TRMT11: variants seen among roughly 807,000 people sequenced by gnomAD.
TRMT11 encodes tRNA methyltransferase 11.
Under a neutral mutation model 62.8 loss-of-function variants are expected in TRMT11, and 53 were observed. The observed-to-expected ratio is 0.84, with a 90% CI of 0.68 to 1.06. The LOEUF is 1.06. Ranked by LOEUF, TRMT11 falls within the 50% of genes least tolerant of loss-of-function variation. The probability of loss-of-function intolerance (pLI) is 0.00; values close to 1 mark genes in which losing one functional copy is unlikely to be tolerated. For missense variants in TRMT11, 556 were observed against 553.4 expected (o/e 1.00, Z -0.05); for synonymous variants, 188 against 190.3 (o/e 0.99, Z 0.10).
At chr6:126,112,546 G>C (rs551230464) in intron 17 of TRMT11, among the ~76,000 whole-genome samples, 1 of 152,222 alleles carries the variant, frequency 6.6e-6, no homozygotes, top group East Asian at 1.9e-4. Context: ...AGATATTTTG[G>C]CTGTAGGATA....
chr6:126,092,801 C>G (rs1228237845), intron 17 of TRMT11, among the ~76,000 whole-genome samples: 1 of 152,194 alleles, frequency 6.6e-6, no homozygotes, highest in East Asian at 1.9e-4. Flanking sequence ...GTTTCTGTTT[C>G]CAAAGATTAT....
intron 21 of TRMT11, among the ~76,000 whole-genome samples, chr6:126,142,816 G>C (rs1253665974): frequency 6.6e-6 from 1 of 152,026 alleles, no homozygotes; most frequent in Non-Finnish European, 1.5e-5. Context: ...CCATTTCTCA[G>C]AAAATATCTG....
intron 1 of TRMT11, among the ~76,000 whole-genome samples, chr6:125,989,959 G>A (rs1467482601): frequency 6.6e-6 from 1 of 152,050 alleles, no homozygotes; most frequent in Non-Finnish European, 1.5e-5. Flanking sequence ...TACATAGGAA[G>A]TATTCATTTA....
intron 21 of TRMT11, among the ~76,000 whole-genome samples, chr6:126,142,899 A>C (rs1044158559): frequency 4.6e-5 from 7 of 152,062 alleles, no homozygotes; most frequent in African/African-American, 1.7e-4. Context: ...TATCTGTTCA[A>C]ATAAAAGGTC....
chr6:126,011,928 G>A (rs986372951), intron 9 of TRMT11, among the ~76,000 whole-genome samples: 2 of 152,136 alleles, frequency 1.3e-5, no homozygotes, highest in African/African-American at 4.8e-5. Context: ...CTGGGCCTGT[G>A]AACCTACTGA....
chr6:126,243,227 A>G, the TRMT11 span, among the ~76,000 whole-genome samples: 2 of 152,258 alleles, frequency 1.3e-5, no homozygotes, highest in African/African-American at 4.8e-5. Flanking sequence ...AATCAAAACC[A>G]CAATGGGATA....
At chr6:126,261,899 G>A in the TRMT11 span, among the ~76,000 whole-genome samples, 1 of 152,192 alleles carries the variant, frequency 6.6e-6, no homozygotes, top group African/African-American at 2.4e-5. Flanking sequence ...ACTGAGCTGA[G>A]CCATGTGTAG....
At chr6:126,160,772 G>A (rs1778180768) in intron 21 of TRMT11, among the ~76,000 whole-genome samples, 1 of 152,152 alleles carries the variant, frequency 6.6e-6, no homozygotes, top group Admixed American at 6.6e-5. Flanking sequence ...TTTACTGAGA[G>A]CTATAAAACG....
chr6:126,048,352 T>C (rs1478562491), intron 16 of TRMT11, among the ~76,000 whole-genome samples: 1 of 152,182 alleles, frequency 6.6e-6, no homozygotes, highest in Non-Finnish European at 1.5e-5. Flanking sequence ...ATACCCTCCT[T>C]GAGGAGCCTT....
downstream of TRMT11, among the ~76,000 whole-genome samples, chr6:126,208,058 G>A (rs919774809): frequency 3.9e-5 from 6 of 152,158 alleles, no homozygotes; most frequent in Admixed American, 6.5e-5. Flanking sequence ...AATATTAAAC[G>A]TGCATTGAAT....
chr6:125,993,985 G>A (rs1791042620), intron 2 of TRMT11, among the ~76,000 whole-genome samples, 163 bp downstream of exon 2: 1 of 152,120 alleles, frequency 6.6e-6, no homozygotes, highest in Non-Finnish European at 1.5e-5. Context: ...TTGTGGTTTT[G>A]TTAAGTAATT....
intron 21 of TRMT11, among the ~76,000 whole-genome samples, chr6:126,152,220 G>GTT (rs1422944202): frequency 6.6e-6 from 1 of 150,932 alleles, no homozygotes; most frequent in African/African-American, 2.4e-5. Context: ...TGCAGATTAG[G>GTT]TTGTGGCATG....
chr6:126,254,880 A>C, the TRMT11 span, among the ~76,000 whole-genome samples: 3 of 152,214 alleles, frequency 2.0e-5, no homozygotes, highest in Non-Finnish European at 2.9e-5. Context: ...AAACATAAAA[A>C]AAAACACCTT....
chr6:126,218,222 G>A, the TRMT11 span, among the ~76,000 whole-genome samples: 7 of 152,212 alleles, frequency 4.6e-5, no homozygotes, highest in African/African-American at 9.6e-5. Flanking sequence ...CACTGTGGCT[G>A]AGTCGGTACC....
chr6:126,076,882 A>G (rs1667478860), intron 17 of TRMT11, among the ~76,000 whole-genome samples: 1 of 152,196 alleles, frequency 6.6e-6, no homozygotes, highest in African/African-American at 2.4e-5. Context: ...TCAAATAGAA[A>G]AAAAGCTTGT....
At chr6:126,005,000 T>C (rs759220427) in intron 7 of TRMT11, among the ~76,000 whole-genome samples, 1 of 152,120 alleles carries the variant, frequency 6.6e-6, no homozygotes, top group African/African-American at 2.4e-5. Context: ...TTAAAGTGTG[T>C]GTCTCCACTT....
the TRMT11 span, among the ~76,000 whole-genome samples, chr6:126,243,088 G>GA: frequency 1.3e-5 from 2 of 148,618 alleles, no homozygotes; most frequent in African/African-American, 2.5e-5. Context: ...AAATTTACAA[G>GA]AAAAAATCAA....
rs995279477 is a variant in TRMT11, at chr6:126,157,461, A to G, written c.*1824-17364A>G. Among the ~76,000 whole-genome samples, 4 of 152,202 alleles carry G rather than the reference A, an allele frequency of 2.6e-5. No homozygotes were observed. In the East Asian group the frequency reaches 5.8e-4, roughly 22 times the overall value. ...CAGGGAATAGCCTTGCTATGGATGT[A>G]AAATTTCATATTATAAAGCTGTAAA... is the stretch of plus-strand genomic sequence containing the variant. On this transcript the variant is annotated intron_variant and NMD_transcript_variant, in intron 21 of 22. Transcript: ENST00000648977.
At chr6:126,232,960 A>C in the TRMT11 span, among the ~76,000 whole-genome samples, 1 of 152,034 alleles carries the variant, frequency 6.6e-6, no homozygotes, top group Non-Finnish European at 1.5e-5. Context: ...TTTTTGTTTG[A>C]ATTCTCTTTT....
Sources: allele counts gnomAD v4.1 joint callset (sites outside exome capture counted in the v4.1 genomes callset), GRCh38; gene constraint gnomAD v4.1.1; transcripts MANE v1.5; gene names NCBI Gene and HGNC (gene_info 2026-07-23, HGNC 2026-07-21).